ING5: variants seen among roughly 807,000 people sequenced by gnomAD.
The protein encoded by ING5 is inhibitor of growth protein 5.
ING5 carries 17 observed loss-of-function variants against 37.4 expected under a neutral mutation model. The observed-to-expected ratio is 0.45, with a 90% CI of 0.31 to 0.68. The LOEUF (loss-of-function observed/expected upper bound fraction) is 0.68, where lower values mean the gene tolerates loss of function less well. ING5 is among the 30% of genes least tolerant of loss of function. The pLI is 0.05. For synonymous variants in ING5, 123 were observed against 116.6 expected (o/e 1.06, Z -0.36); for missense variants, 233 against 311.9 (o/e 0.75, Z 1.91).
chr2:241,720,737 G>C lies in ING5; in HGVS notation c.483-2202G>C, dbSNP rs139303332. 1.5e-4 allele frequency: 144 copies of C among 985,524 alleles called. No individual in the cohort carries two copies. In the African/African-American group the frequency reaches 2.4e-3, roughly 16 times the overall value. The allele number at this position is 985,524 out of a possible 1,614,324, so 61.0% of individuals were successfully genotyped here. A position where few individuals can be genotyped will look rare whatever the true frequency, so the allele number is the denominator to read the frequency against. Reference sequence around the variant, plus strand: ...GGAGTTAGCACAGAGGGTGCCTCTTGTGGCAGTGGTGCTGAAGGGAGTCAG... The same window carrying C: ...GGAGTTAGCACAGAGGGTGCCTCTTCTGGCAGTGGTGCTGAAGGGAGTCAG... On this transcript the variant is annotated intron_variant, in intron 5 of 7. Transcript: ENST00000313552.
chr2:241,715,374 T>C (rs943523717), intron 5 of ING5, among the ~76,000 whole-genome samples: 3 of 151,978 alleles, frequency 2.0e-5, no homozygotes, highest in African/African-American at 7.3e-5. Flanking sequence ...TTTTATATTT[T>C]TGGTAGAGAT....
intron 2 of ING5, among the ~76,000 whole-genome samples, chr2:241,692,286 C>G (rs991099824): frequency 6.6e-6 from 1 of 151,926 alleles, no homozygotes; most frequent in Non-Finnish European, 1.5e-5. Flanking sequence ...CTTAACTTTT[C>G]CCTTTGAGAT....
At chr2:241,708,486 C>T (rs1173652562) in intron 2 of ING5, among the ~76,000 whole-genome samples, 2 of 152,204 alleles carry the variant, frequency 1.3e-5, no homozygotes, top group African/African-American at 2.4e-5. Flanking sequence ...GGATTACAGG[C>T]GTGAGCCACC....
At chr2:241,723,985 G>A in intron 7 of ING5, 4 of 1,311,184 alleles carry the variant, frequency 3.1e-6, no homozygotes, top group Non-Finnish European at 3.1e-6. Flanking sequence ...ACTCCAGCCT[G>A]GGCGAGAGAG....
At position 241,726,520 on chromosome 2, in the gene ING5, A is replaced by G. The variant is rs1431170895; in HGVS notation, c.*1489A>G. The stretch of plus-strand genomic sequence containing the variant: ...CCTGGTTGGGATGGTGTCCACATTC[A>G]TGTTCTGCGGTTCTTGAACACACGG... On this transcript the variant is annotated 3_prime_UTR_variant, in exon 8 of 8. Coordinates refer to ENST00000313552, the MANE Select transcript of ING5 (RefSeq NM_032329.6). 6.6e-6 allele frequency: 1 copy of G among 152,254 alleles called. No individual in the cohort carries two copies. Among genetic ancestry groups the G allele is most frequent in the Non-Finnish European group, 1.5e-5 (1 of 68,066 alleles). The allele number at this position is 152,254 out of a possible 1,614,324, so 9.4% of individuals were successfully genotyped here.
intron 1 of ING5, among the ~76,000 whole-genome samples, chr2:241,702,595 C>A (rs2069777747): frequency 6.6e-6 from 1 of 152,002 alleles, no homozygotes; most frequent in African/African-American, 2.4e-5. Flanking sequence ...GTGACCGCGG[C>A]TGGGGAGGGC....
rs764266958 is a variant in ING5 at position 241,711,459 on chromosome 2, T to G, written c.359T>G (p.Phe120Cys). 14 of 1,606,862 alleles carry G rather than the reference T, an allele frequency of 8.7e-6. No individual in the cohort carries two copies. The highest frequency in any genetic ancestry group is 1.7e-4 in the Middle Eastern group (1 of 6,040). Residue 120 changes from phenylalanine (F) to cysteine (C), a missense_variant, in exon 4 of 8, where the codon TTT (phenylalanine) becomes TGT (cysteine). Physicochemically the swap from Phe to Cys is radical, Grantham distance 205. Transcript: ENST00000313552. ...DLKDKMEGSD[F>C]ESSGGRGLKK... ...AAGGACAAGATGGAGGGCAGTGATT[T>G]TGAAAGCTCCGGAGGGCGAGGGTTA... is the stretch of plus-strand genomic sequence containing the variant.
At chr2:241,710,103 T>TTTATTA (rs34336971) in intron 3 of ING5, among the ~76,000 whole-genome samples, 1 of 146,932 alleles carries the variant, frequency 6.8e-6, no homozygotes, top group Non-Finnish European at 1.5e-5. Flanking sequence ...GTAGCCATAC[T>TTTATTA]TTATTATTAT....
intron 7 of ING5, chr2:241,724,711 A>C: frequency 4.0e-6 from 2 of 496,976 alleles, no homozygotes; most frequent in Non-Finnish European, 7.3e-6. Flanking sequence ...CGGCCGGGGA[A>C]GAAGGACCCA....
At position 241,708,975 on chromosome 2, in the gene ING5, T is replaced by C. The variant is rs889973009; in HGVS notation, c.110-241T>C. 5 of 365,554 alleles carry C rather than the reference T, an allele frequency of 1.4e-5. 1 individual carries two copies. The highest frequency in any genetic ancestry group is 2.5e-5 in the Non-Finnish European group (5 of 201,546). The allele number at this position is 365,554 out of a possible 1,614,324, so 22.6% of individuals were successfully genotyped here. On this transcript the variant is annotated intron_variant, in intron 2 of 7. Transcript: ENST00000313552. ...AAGAAGGCACTGTGACCACTTGCTG[T>C]GTAACATTCAGAGCTGGGACTGTCC...
At chr2:241,690,627 C>G (rs1400227718) in exon 2 of ING5, 1 of 398,508 alleles carries the variant, frequency 2.5e-6, no homozygotes, top group East Asian at 3.6e-5. Context: ...GCAAGAGTCA[C>G]TCCACGAGAC....
At chr2:241,695,772 G>A (rs549421551) in intron 2 of ING5, among the ~76,000 whole-genome samples, 14 of 152,174 alleles carry the variant, frequency 9.2e-5, no homozygotes, top group Non-Finnish European at 1.6e-4. Flanking sequence ...GCAGTTCTAT[G>A]TATAGCCATG....
chr2:241,714,301 AT>A (rs1219506984), intron 5 of ING5, among the ~76,000 whole-genome samples: 1 of 152,204 alleles, frequency 6.6e-6, no homozygotes, highest in Non-Finnish European at 1.5e-5. Flanking sequence ...AACCTTTTAA[AT>A]TAACTTTATT....
chr2:241,703,612 CTTTTTTTGAT>C (rs973662172), intron 1 of ING5, among the ~76,000 whole-genome samples: 11 of 151,976 alleles, frequency 7.2e-5, no homozygotes, highest in African/African-American at 2.7e-4. Context: ...TTTTCTTTTT[CTTTTTTTGAT>C]TTTTTTTGAA....
At chr2:241,720,576 A>G (rs1044922761) in intron 5 of ING5, 2 of 986,644 alleles carry the variant, frequency 2.0e-6, no homozygotes, top group African/African-American at 1.7e-5. Context: ...TGTCACCTGT[A>G]GCACCTGGAA....
Position 241,725,801 on chromosome 2 carries a change from T to C in ING5, c.*770T>C, listed in dbSNP as rs1691598480. 6.6e-6 allele frequency: 1 copy of C among 152,370 alleles called. No homozygotes were observed. Among genetic ancestry groups the C allele is most frequent in the African/African-American group, 2.4e-5 (1 of 41,334 alleles). The allele number at this position is 152,370 out of a possible 1,614,324, so 9.4% of individuals were successfully genotyped here. ...TGATTTTTTACTGTGAAGATGAAAT[T>C]ACCCTAATAGCATGAAGATCGTGGG... On this transcript the variant is annotated 3_prime_UTR_variant, in exon 8 of 8. Transcript: ENST00000313552.
intron 2 of ING5, among the ~76,000 whole-genome samples, chr2:241,708,426 C>T (rs759979428): frequency 6.7e-6 from 1 of 148,272 alleles, no homozygotes; most frequent in Non-Finnish European, 1.5e-5. Context: ...CCAGGATGGT[C>T]TCGATCTCCT....
chr2:241,713,741 C>A (rs2070187899), intron 5 of ING5, among the ~76,000 whole-genome samples: 1 of 151,684 alleles, frequency 6.6e-6, no homozygotes, highest in African/African-American at 2.4e-5. Flanking sequence ...GTAATCGCAG[C>A]ACTTTGGGAG....
chr2:241,693,101 A>G (rs1436590770), intron 2 of ING5, among the ~76,000 whole-genome samples: 8 of 151,970 alleles, frequency 5.3e-5, no homozygotes, highest in Admixed American at 2.0e-4. Flanking sequence ...TCTACTAAAT[A>G]TACACAAATT....
Sources: gnomAD v4.1 joint callset for allele counts (sites outside exome capture counted in the v4.1 genomes callset) on GRCh38, gnomAD v4.1.1 for gene constraint, MANE v1.5 for transcripts, NCBI Gene and HGNC (gene_info 2026-07-23, HGNC 2026-07-21) for gene names.